DUS3L: variants seen among roughly 807,000 people sequenced by gnomAD.
DUS3L encodes dihydrouridine synthase 3 like.
DUS3L carries 62 observed loss-of-function variants against 74.6 expected under a neutral mutation model. That is an observed-to-expected ratio of 0.83 (90% CI 0.68 to 1.03). The LOEUF (loss-of-function observed/expected upper bound fraction) is 1.03. Ranked by LOEUF, DUS3L falls within the 50% of genes least tolerant of loss-of-function variation. The pLI is 0.00. For synonymous variants in DUS3L, 433 were observed against 395.7 expected (o/e 1.09, Z -1.12); for missense variants, 884 against 924.4 (o/e 0.96, Z 0.57).
Position 5,785,262 on chromosome 19 carries a change from C to T in DUS3L, c.1894G>A (p.Gly632Arg). Reference sequence around the variant, plus strand: ...AAGGCGAAGCTGGGGGGCACTGGCCCAAGGAGCATCTCGCTGTGGGAGAGC... The same window carrying T: ...AAGGCGAAGCTGGGGGGCACTGGCCTAAGGAGCATCTCGCTGTGGGAGAGC... ...DWIRISEMLL[G>R]PVPPSFAFLP... is the part of the protein sequence containing the mutation. The change falls in exon 13 of 13, where the codon GGG becomes AGG. Residue 632 changes from glycine (G) to arginine (R), a missense_variant. Coordinates refer to ENST00000309061, the MANE Select transcript of DUS3L (RefSeq NM_020175.3). The T allele has an allele frequency of 6.2e-7, 1 of 1,611,128 alleles. No individual in the cohort carries two copies.
chr19:5,785,327 C>G, intron 12 of DUS3L, 52 bp from the exon 13 acceptor site: 1 of 1,608,674 alleles, frequency 6.2e-7, no homozygotes, highest in Non-Finnish European at 8.5e-7. Flanking sequence ...TGCAAAGTAC[C>G]CTCCGTGACC....
chr19:5,791,130 T>C lies in DUS3L; in HGVS notation c.12A>G (p.Gly4=), dbSNP rs753270094. Residue 4 remains glycine (G), a synonymous_variant, in exon 1 of 13, where the codon GGA becomes GGG. Coordinates refer to ENST00000309061, the MANE Select transcript of DUS3L (RefSeq NM_020175.3). ...CATTCTCTAGAGGAGCCTCCGCCGTTCCCTCCGCCATCGGCGCCCCTCACA... is the reference window on the plus strand; with the variant it reads ...CATTCTCTAGAGGAGCCTCCGCCGTCCCCTCCGCCATCGGCGCCCCTCACA... The part of the protein sequence containing the change: MAE[G]TAEAPLENGG... 15 of 1,605,938 alleles carry C rather than the reference T, an allele frequency of 9.3e-6. No individual in the cohort carries two copies. Among genetic ancestry groups the C allele is most frequent in the South Asian group, 6.7e-5 (6 of 89,318 alleles).
intron 10 of DUS3L, chr19:5,786,018 C>T (rs1264946139): frequency 7.3e-6 from 4 of 547,154 alleles, no homozygotes; most frequent in African/African-American, 1.9e-5. Flanking sequence ...GGTAAGATCT[C>T]GGCTCACTGT....
rs946360681 is a variant in DUS3L at position 5,790,265 on chromosome 19, T to C, written c.169A>G (p.Thr57Ala). The change falls in exon 2 of 13, where the codon ACC becomes GCC. Residue 57 changes from threonine to alanine, a missense_variant. Thr to Ala is a moderately conservative substitution (Grantham distance 58). Transcript: ENST00000309061. Reference protein sequence around the residue: ...AKGQEKTCRETEVGDPAGNEL... With the variant: ...AKGQEKTCREAEVGDPAGNEL... ...TTGCCAGCAGGGTCTCCTACCTCGG[T>C]TTCCCGGCAAGTCTTCTCCTGCCCT... is the stretch of plus-strand genomic sequence containing the variant. 4 of 1,614,134 alleles carry C rather than the reference T, an allele frequency of 2.5e-6. No individual in the cohort carries two copies. The highest frequency in any genetic ancestry group is 3.4e-6 in the Non-Finnish European group (4 of 1,180,020).
At chr19:5,788,305 A>T in intron 4 of DUS3L, 52 bp downstream of exon 4, 2 of 1,612,882 alleles carry the variant, frequency 1.2e-6, no homozygotes, top group Non-Finnish European at 1.7e-6. Context: ...CCCTGTTGGA[A>T]TGACCACACT....
intron 12 of DUS3L, 44 bp downstream of exon 12, chr19:5,785,339 C>G (rs765691223): frequency 1.2e-6 from 2 of 1,606,672 alleles, no homozygotes; most frequent in Non-Finnish European, 1.7e-6. Flanking sequence ...TCCGTGACCC[C>G]GGGCCCCCGA....
Position 5,789,368 on chromosome 19 carries a change from C to A in DUS3L, c.739G>T (p.Glu247Ter). ...GGAGCGCCCTCGGCTGCCGTGCCCT[C>A]GGGGACAGCGGCAGCGGGTGTGGGG... Reference protein sequence around the residue: ...QGPTPAAAVPEGTAAEGAPRQ... With the variant: ...QGPTPAAAVP Residue 247 changes from glutamate (E) to a stop codon, truncating the protein, a stop_gained, in exon 3 of 13, where the codon GAG becomes TAG. Coordinates refer to ENST00000309061, the MANE Select transcript of DUS3L (RefSeq NM_020175.3). LOFTEE classifies it high-confidence loss of function. 7 of 1,593,368 alleles carry A rather than the reference C, an allele frequency of 4.4e-6. No individual in the cohort carries two copies. The highest frequency in any genetic ancestry group is 6.0e-6 in the Non-Finnish European group (7 of 1,171,874).
chr19:5,785,591 C>T lies in DUS3L; in HGVS notation c.1751+12G>A. On this transcript the variant is annotated intron_variant, in intron 11 of 12. Transcript: ENST00000309061. ...CCACGCGCCGCCCACCCCAGCCAGC[C>T]CCGGTGCCCACCGGCACAGGAAGGA... The T allele has an allele frequency of 6.3e-7, 1 of 1,596,434 alleles. No homozygotes were observed. The highest frequency in any genetic ancestry group is 1.3e-5 in the African/African-American group (1 of 74,638).
rs2056846480 is a variant in DUS3L, at chr19:5,786,764, G to A, written c.1471C>T (p.Pro491Ser). The change falls in exon 9 of 13, where the codon CCC becomes TCC. Residue 491 changes from proline (P) to serine (S), a missense_variant. Pro to Ser is a moderately conservative substitution (Grantham distance 74). Transcript: ENST00000309061. ...YIEECVQAAS[P>S]MPLFGNGDIL... The stretch of plus-strand genomic sequence containing the variant: ...GAACACCCACCGAACAGGGGCATGG[G>A]GCTGGCGGCCTGCACGCACTCCTCG... 6.2e-7 allele frequency: 1 copy of A among 1,612,024 alleles called. No homozygotes were observed. The highest frequency in any genetic ancestry group is 8.5e-7 in the Non-Finnish European group (1 of 1,179,804).
Position 5,785,198 on chromosome 19 carries a change from T to C in DUS3L, c.*5A>G, listed in dbSNP as rs199498818. On this transcript the variant is annotated 3_prime_UTR_variant, in exon 13 of 13. Coordinates refer to ENST00000309061, the MANE Select transcript of DUS3L (RefSeq NM_020175.3). ...GCCCCAGGGTGCCCCTGGGAAAGCC[T>C]GAGGCTACTTGTACGCGTTGGCCTT... 16 of 1,602,998 alleles carry C rather than the reference T, an allele frequency of 1.0e-5. No homozygotes were observed. The highest frequency in any genetic ancestry group is 1.3e-5 in the African/African-American group (1 of 74,880).
Position 5,787,132 on chromosome 19 carries a change from C to T in DUS3L, c.1318G>A (p.Val440Ile), listed in dbSNP as rs746055828. The T allele has an allele frequency of 2.6e-5, 25 of 974,180 alleles. No individual in the cohort carries two copies. The highest frequency in any genetic ancestry group is 1.4e-4 in the East Asian group (1 of 7,140). 60.3% of individuals were successfully genotyped at this position (974,180 alleles called of 1,614,324 possible). A position where few individuals can be genotyped will look rare whatever the true frequency, so the allele number is the denominator to read the frequency against. ...VPLTVKIRTG[V>I]QERVNLAHRL... ...TGCGCCAGGTTCACACGCTCCTGGA[C>T]GCCTGTGCGGATCTTCACAGTCAGC... The change falls in exon 8 of 13, where the codon GTC (valine) becomes ATC (isoleucine). Residue 440 changes from valine (V) to isoleucine (I), a missense_variant. Coordinates refer to ENST00000309061, the MANE Select transcript of DUS3L (RefSeq NM_020175.3).
chr19:5,785,922 G>T, intron 10 of DUS3L, 131 bp from the exon 11 acceptor site: 1 of 965,394 alleles, frequency 1.0e-6, no homozygotes. Flanking sequence ...CCTCCCAGCT[G>T]CATGCACACA....
intron 1 of DUS3L, 90 bp from the exon 2 acceptor site, chr19:5,790,425 C>T (rs964781916): frequency 4.0e-6 from 6 of 1,505,184 alleles, no homozygotes; most frequent in Non-Finnish European, 5.4e-6. Flanking sequence ...GTCCTTAAAT[C>T]CTTCTGCTGA....
intron 1 of DUS3L, 35 bp from the exon 2 acceptor site, chr19:5,790,370 C>G (rs891710457): frequency 6.2e-7 from 1 of 1,612,348 alleles, no homozygotes; most frequent in Non-Finnish European, 8.5e-7. Flanking sequence ...ACCCTCCGAA[C>G]ATAGTCAATA....
In DUS3L at chr19:5,789,446, G is replaced by C. The variant is rs375601676; in HGVS notation, c.661C>G (p.Arg221Gly). 6.2e-7 allele frequency: 1 copy of C among 1,600,586 alleles called. No homozygotes were observed. Among genetic ancestry groups the C allele is most frequent in the African/African-American group, 1.3e-5 (1 of 74,866 alleles). ...DKALQQQLRK[R>G]EVRFERAEQA... ...TCAGCTCGCTCGAAGCGGACCTCGC[G>C]CTTCCGCAGCTGCTGCTGCAGGGCT... The change falls in exon 3 of 13, where the codon CGC becomes GGC. Residue 221 changes from arginine (R) to glycine (G), a missense_variant. Coordinates refer to ENST00000309061, the MANE Select transcript of DUS3L (RefSeq NM_020175.3).
At chr19:5,786,977 G>A (rs1303842221) in intron 8 of DUS3L, 84 bp downstream of exon 8, 9 of 1,485,874 alleles carry the variant, frequency 6.1e-6, no homozygotes, top group Admixed American at 4.3e-5. Flanking sequence ...AGGTGAAGAG[G>A]GAGGGATGGG....
rs550933083 is a variant in DUS3L, at chr19:5,785,162, G to A, written c.*41C>T. The A allele has an allele frequency of 1.9e-6, 3 of 1,557,772 alleles. No individual in the cohort carries two copies. The highest frequency in any genetic ancestry group is 1.4e-5 in the African/African-American group (1 of 73,464). On this transcript the variant is annotated 3_prime_UTR_variant, in exon 13 of 13. Transcript: ENST00000309061. ...GGATTTTAAAAGAATAAAATTTATT[G>A]TACTCTCCTCGCCCCAGGGTGCCCC...
At chr19:5,788,423 G>A in intron 3 of DUS3L, 25 bp from the exon 4 acceptor site, 1 of 1,606,544 alleles carries the variant, frequency 6.2e-7, no homozygotes, top group Non-Finnish European at 8.5e-7. Flanking sequence ...ATACACACAA[G>A]TGGAGCTTGG....
In DUS3L at chr19:5,790,097, C is replaced by T. The variant is rs778474833; in HGVS notation, c.337G>A (p.Val113Met). The change falls in exon 2 of 13, where the codon GTG (valine) becomes ATG (methionine). Residue 113 changes from valine to methionine, a missense_variant. Transcript: ENST00000309061. ...ARGQNKGRPHVKPTNYDKNRL... is the reference protein window; with the variant it reads ...ARGQNKGRPHMKPTNYDKNRL... ...TTCTTGTCGTAGTTCGTGGGCTTCA[C>T]ATGGGGCCGGCCCTTGTTTTGTCCC... The T allele has an allele frequency of 5.0e-6, 8 of 1,614,182 alleles. No homozygotes were observed. In the South Asian group the frequency reaches 7.7e-5, roughly 16 times the overall value.
Sources: allele counts gnomAD v4.1 joint callset, GRCh38; gene constraint gnomAD v4.1.1; transcripts MANE v1.5; gene names NCBI Gene and HGNC (gene_info 2026-07-23, HGNC 2026-07-21).